Variants in STRN3 observed in about 807,000 individuals in gnomAD.
STRN3 encodes striatin-3.
In STRN3, 29 loss-of-function variants were observed where a neutral mutation model predicts 95.6. The observed-to-expected ratio is 0.30, with a 90% CI of 0.23 to 0.41. The LOEUF (loss-of-function observed/expected upper bound fraction) is 0.41, where lower values mean the gene tolerates loss of function less well. Among genes scored for constraint, STRN3 ranks in the 10% least tolerant of loss-of-function variants. STRN3 has a pLI of 1.00. For missense variants in STRN3, 890 were observed against 972.1 expected (o/e 0.92, Z 1.12); for synonymous variants, 331 against 357.6 (o/e 0.93, Z 0.84).
At chr14:30,903,120 T>C (rs1896369442) in intron 15 of STRN3, among the ~76,000 whole-genome samples, 1 of 151,288 alleles carries the variant, frequency 6.6e-6, no homozygotes, top group South Asian at 2.1e-4. Flanking sequence ...AGTAAGCTCT[T>C]ACTAACTTTT....
chr14:30,936,752 T>A, intron 5 of STRN3, 128 bp from the exon 6 acceptor site: 1 of 1,108,148 alleles, frequency 9.0e-7, no homozygotes, highest in Non-Finnish European at 1.2e-6. Context: ...GTCTGAGGGC[T>A]TTATTCAAGA....
At chr14:30,929,157 AT>A (rs1257853723) in intron 8 of STRN3, 43 bp downstream of exon 8, 1 of 1,504,148 alleles carries the variant, frequency 6.6e-7, no homozygotes, top group African/African-American at 1.4e-5. Context: ...TTTTTTCTCA[AT>A]TATTGGTATA....
intron 1 of STRN3, among the ~76,000 whole-genome samples, chr14:31,000,345 G>C (rs1163393311): frequency 6.6e-6 from 1 of 151,832 alleles, no homozygotes; most frequent in Non-Finnish European, 1.5e-5. Flanking sequence ...ACAATAGAGG[G>C]ACATAACTTG....
chr14:30,974,003 T>C (rs928800032), intron 1 of STRN3, among the ~76,000 whole-genome samples: 3 of 152,160 alleles, frequency 2.0e-5, no homozygotes, highest in East Asian at 1.9e-4. Flanking sequence ...ACAGCTAACA[T>C]AGTCAATGAT....
At chr14:30,974,721 T>C (rs1319722762) in intron 1 of STRN3, among the ~76,000 whole-genome samples, 1 of 151,962 alleles carries the variant, frequency 6.6e-6, no homozygotes, top group Non-Finnish European at 1.5e-5. Context: ...GGAGGATCAC[T>C]TGAGCCTGGG....
chr14:30,978,890 T>C (rs1320680341), intron 1 of STRN3, among the ~76,000 whole-genome samples: 3 of 151,700 alleles, frequency 2.0e-5, no homozygotes, highest in Non-Finnish European at 4.4e-5. Context: ...AAAAGTTAGC[T>C]GGGCATGGTG....
chr14:30,985,864 G>A (rs1881665490), intron 1 of STRN3, among the ~76,000 whole-genome samples: 1 of 151,638 alleles, frequency 6.6e-6, no homozygotes, highest in Non-Finnish European at 1.5e-5. Context: ...ATTTTTTTCT[G>A]TCCAAAAACT....
intron 1 of STRN3, among the ~76,000 whole-genome samples, chr14:30,984,842 T>C (rs1881600946): frequency 6.6e-6 from 1 of 152,058 alleles, no homozygotes; most frequent in Non-Finnish European, 1.5e-5. Flanking sequence ...TCCCACAATT[T>C]TGACATTCAG....
rs553193389 is a variant in STRN3, at chr14:30,990,787, T to C, written c.283-34545A>G. Among the ~76,000 whole-genome samples the C allele has an allele frequency of 2.0e-5, 3 of 152,348 alleles. No homozygotes were observed. In the East Asian group the frequency reaches 5.8e-4, roughly 29 times the overall value. The stretch of plus-strand genomic sequence containing the variant: ...CTCCCATATACTTTAAATTATCTCT[T>C]GATTACTTTAAATACCTAATACAAT... On this transcript the variant is annotated intron_variant, in intron 1 of 17. Transcript: ENST00000357479.
intron 1 of STRN3, among the ~76,000 whole-genome samples, chr14:30,992,065 G>C (rs146167239): frequency 6.6e-6 from 1 of 151,458 alleles, no homozygotes; most frequent in Non-Finnish European, 1.5e-5. Context: ...AGAGATAATA[G>C]TATATGGAAA....
At chr14:30,925,443 G>A (rs1162466254) in intron 8 of STRN3, among the ~76,000 whole-genome samples, 1 of 152,022 alleles carries the variant, frequency 6.6e-6, no homozygotes, top group Non-Finnish European at 1.5e-5. Context: ...ATTCCATATG[G>A]TAAAGTTAGC....
chr14:30,935,135 C>G, intron 7 of STRN3, 28 bp downstream of exon 7: 1 of 1,609,702 alleles, frequency 6.2e-7, no homozygotes, highest in Non-Finnish European at 8.5e-7. Flanking sequence ...TAGATTTCCT[C>G]CCACCCGGTA....
At chr14:30,917,240 G>A (rs1407162472) in intron 9 of STRN3, among the ~76,000 whole-genome samples, 8 of 151,918 alleles carry the variant, frequency 5.3e-5, no homozygotes, top group African/African-American at 1.9e-4. Context: ...CTCTCCCCTC[G>A]CCCTCCTACC....
intron 1 of STRN3, among the ~76,000 whole-genome samples, chr14:31,015,150 T>C (rs1428515515): frequency 6.6e-6 from 1 of 152,040 alleles, no homozygotes; most frequent in Non-Finnish European, 1.5e-5. Context: ...CTTTTATTTA[T>C]TTACTTTTCA....
Position 30,895,178 on chromosome 14 carries a change from G to T in STRN3, c.*233C>A, listed in dbSNP as rs1896108910. On this transcript the variant is annotated 3_prime_UTR_variant, in exon 18 of 18. Transcript: ENST00000357479. ...CAGATATACGCTCAGTTCACATCCA[G>T]TACAGGCCACAAATACTGGAGTCCT... 3 of 494,020 alleles carry T rather than the reference G, an allele frequency of 6.1e-6. No individual in the cohort carries two copies. Among genetic ancestry groups the T allele is most frequent in the Non-Finnish European group, 1.1e-5 (3 of 285,414 alleles). 30.6% of individuals were successfully genotyped at this position (494,020 alleles called of 1,614,324 possible).
intron 1 of STRN3, among the ~76,000 whole-genome samples, chr14:30,970,524 T>C (rs994986761): frequency 1.3e-5 from 2 of 152,214 alleles, no homozygotes; most frequent in African/African-American, 4.8e-5. Flanking sequence ...CCCAAAGTTC[T>C]TCCCTTTTCT....
intron 1 of STRN3, among the ~76,000 whole-genome samples, chr14:30,968,384 TAAAAA>T (rs71112364): frequency 1.5e-5 from 2 of 136,804 alleles, no homozygotes; most frequent in Non-Finnish European, 3.1e-5. Context: ...TTAACTGGTT[TAAAAA>T]AAAAAAAAAA....
intron 8 of STRN3, among the ~76,000 whole-genome samples, chr14:30,922,922 G>GA (rs1197303387): frequency 6.6e-6 from 1 of 151,992 alleles, no homozygotes; most frequent in African/African-American, 2.4e-5. Flanking sequence ...TTTCTTGAAA[G>GA]AAAAAAATCC....
chr14:31,013,992 C>G (rs1333396974), intron 1 of STRN3, among the ~76,000 whole-genome samples: 2 of 150,456 alleles, frequency 1.3e-5, no homozygotes, highest in Non-Finnish European at 2.9e-5. Flanking sequence ...AGCCTTGACC[C>G]CTTGGGCTCA....
Sources: gnomAD v4.1 joint callset for allele counts (sites outside exome capture counted in the v4.1 genomes callset) on GRCh38, gnomAD v4.1.1 for gene constraint, MANE v1.5 for transcripts, NCBI Gene and HGNC (gene_info 2026-07-23, HGNC 2026-07-21) for gene names.